INPP1: variants seen among roughly 807,000 people sequenced by gnomAD.
The protein encoded by INPP1 is inositol polyphosphate-1-phosphatase.
Under a neutral mutation model 23.0 loss-of-function variants are expected in INPP1, and 18 were observed. That is an observed-to-expected ratio of 0.78 (90% confidence interval 0.54 to 1.16). INPP1 has a LOEUF of 1.16. Among genes scored for constraint, INPP1 ranks in the 50% most tolerant of loss-of-function variants. INPP1 has a pLI of 0.00. For synonymous variants in INPP1, 164 were observed against 176.3 expected (o/e 0.93, Z 0.55); for missense variants, 448 against 482.1 (o/e 0.93, Z 0.66).
At position 190,368,195 on chromosome 2, in the gene INPP1, G is replaced by C. The variant is rs1004863162; in HGVS notation, c.467-908G>C. 2.0e-5 allele frequency among the ~76,000 whole-genome samples: 3 copies of C among 152,196 alleles called. No homozygotes were observed. Among genetic ancestry groups the C allele is most frequent in the African/African-American group, 7.2e-5 (3 of 41,460 alleles). The stretch of plus-strand genomic sequence containing the variant: ...ATCTCCTGTTTCTTGGTTCCACCCT[G>C]AATTGATTCTGTTTTTGAGCTCTTT... On this transcript the variant is annotated intron_variant, in intron 5 of 6. Transcript: ENST00000392329. The surrounding 1 kb of genome is among the most constrained non-coding windows in gnomAD (Gnocchi z 4.3).
At chr2:190,350,871 AT>A (rs1235215666) in intron 2 of INPP1, among the ~76,000 whole-genome samples, 1 of 152,220 alleles carries the variant, frequency 6.6e-6, no homozygotes, top group Admixed American at 6.5e-5. Flanking sequence ...AAAGGGGATA[AT>A]TTTAGATTCT....
intron 4 of INPP1, 103 bp downstream of exon 4, chr2:190,362,790 A>C: frequency 1.5e-6 from 1 of 658,678 alleles, no homozygotes; most frequent in Non-Finnish European, 2.5e-6. Flanking sequence ...CACTTACTGT[A>C]AACAACATAA....
intron 4 of INPP1, among the ~76,000 whole-genome samples, chr2:190,365,916 GCT>G (rs1689640019): frequency 1.0e-5 from 1 of 99,862 alleles, no homozygotes; most frequent in Non-Finnish European, 2.1e-5. Flanking sequence ...TCGCTCTCTT[GCT>G]CTGTCTCACT....
intron 2 of INPP1, among the ~76,000 whole-genome samples, chr2:190,358,072 A>AT (rs749071988): frequency 0.03 from 3,349 of 111,332 alleles, 57 homozygotes; most frequent in Non-Finnish European, 0.043. Context: ...CATTAAGGGA[A>AT]TTTTTTTTTT....
chr2:190,369,734 A>G (rs1026198399), intron 6 of INPP1, among the ~76,000 whole-genome samples: 15 of 152,200 alleles, frequency 9.9e-5, no homozygotes, highest in African/African-American at 2.9e-4. Context: ...CAGGATCAGA[A>G]CCTAACTCAC....
intron 4 of INPP1, among the ~76,000 whole-genome samples, chr2:190,366,110 G>A (rs577457496): frequency 4.1e-5 from 5 of 122,758 alleles, no homozygotes; most frequent in South Asian, 5.9e-4. Flanking sequence ...TGAATCTCTC[G>A]CTCTCTGTCT....
At chr2:190,360,327 G>T in intron 3 of INPP1, 21 bp downstream of exon 3, 1 of 1,607,534 alleles carries the variant, frequency 6.2e-7, no homozygotes, top group Admixed American at 1.7e-5. Flanking sequence ...TCATAGCCAA[G>T]GTAACTGCAA....
Position 190,345,985 on chromosome 2 carries a change from C to T in INPP1, c.-209+2024C>T, listed in dbSNP as rs191343931. ...CTCCAGCCTGGGCGACAAAGCAAGA[C>T]TTCATCTCAAAAAATAAAAATTAAG... On this transcript the variant is annotated intron_variant, in intron 1 of 6. Coordinates refer to ENST00000392329, the MANE Select transcript of INPP1 (RefSeq NM_001128928.2). The surrounding 1 kb of genome is among the most constrained non-coding windows in gnomAD (Gnocchi z 4.9). Among the ~76,000 whole-genome samples, 3 of 152,072 alleles carry T rather than the reference C, an allele frequency of 2.0e-5. No homozygotes were observed. The highest frequency in any genetic ancestry group is 4.8e-5 in the African/African-American group (2 of 41,392).
rs150659780 is a variant in INPP1 at position 190,355,021 on chromosome 2, A to AT, written c.-64-5014dup. On this transcript the variant is annotated intron_variant, in intron 2 of 6. Transcript: ENST00000392329. The surrounding 1 kb of genome is among the most constrained non-coding windows in gnomAD (Gnocchi z 5.1). ...TATGATTATTATCCAACAATTACTG[A>AT]TTTTCCCTTATTTTAATAGTTAACA... Among the ~76,000 whole-genome samples the AT allele has an allele frequency of 6.8e-3, 1,024 of 149,958 alleles. 14 individuals are homozygous for AT. The highest frequency in any genetic ancestry group is 0.023 in the African/African-American group (929 of 40,496).
intron 4 of INPP1, among the ~76,000 whole-genome samples, chr2:190,365,734 C>T (rs1689632138): frequency 6.6e-6 from 1 of 152,200 alleles, no homozygotes; most frequent in South Asian, 2.1e-4. Context: ...GGATATATTG[C>T]CCTCAATCTA....
chr2:190,369,044 G>A (rs1689744975), intron 5 of INPP1, 59 bp from the exon 6 acceptor site: 1 of 1,062,496 alleles, frequency 9.4e-7, no homozygotes, highest in Non-Finnish European at 1.3e-6. Flanking sequence ...AAGTCATATG[G>A]AACAGAGTCT....
rs1443134214 is a variant in INPP1 at position 190,352,499 on chromosome 2, T to TTG, written c.-65+3470_-65+3471dup. ...CAGTATTGCAAATCTCTAGTAAGGC[T>TTG]TGTAGTACAGTTTCCCTCTGGCCTC... On this transcript the variant is annotated intron_variant, in intron 2 of 6. Transcript: ENST00000392329. The surrounding 1 kb of genome is among the most constrained non-coding windows in gnomAD (Gnocchi z 4.7). Among the ~76,000 whole-genome samples, 1 of 152,234 alleles carries TTG rather than the reference T, an allele frequency of 6.6e-6. No homozygotes were observed. Among genetic ancestry groups the TTG allele is most frequent in the Non-Finnish European group, 1.5e-5 (1 of 68,046 alleles).
chr2:190,352,004 C>T lies in INPP1; in HGVS notation c.-65+2973C>T, dbSNP rs1294402720. On this transcript the variant is annotated intron_variant, in intron 2 of 6. Coordinates refer to ENST00000392329, the MANE Select transcript of INPP1 (RefSeq NM_001128928.2). The surrounding 1 kb of genome is among the most constrained non-coding windows in gnomAD (Gnocchi z 4.7). ...TTTATTTTAGCTATTCCATTGGATA[C>T]ATAGTGGCACCCTGTTGAGATTTTA... is the stretch of plus-strand genomic sequence containing the variant. Among the ~76,000 whole-genome samples, 1 of 152,210 alleles carries T rather than the reference C, an allele frequency of 6.6e-6. No individual in the cohort carries two copies. The highest frequency in any genetic ancestry group is 2.4e-5 in the African/African-American group (1 of 41,444).
chr2:190,359,671 T>C (rs2067400), intron 2 of INPP1: 64,241 of 158,898 alleles, frequency 0.4, 15,086 homozygotes, highest in African/African-American at 0.66. Flanking sequence ...TACTTCAATA[T>C]TGCTGCTAAG....
At position 190,357,517 on chromosome 2, in the gene INPP1, T is replaced by G. The variant is rs1575786735; in HGVS notation, c.-64-2522T>G. ...TCATAGGTAGTTTTTCCACTTAACA[T>G]TAGTGCATTGACATATTTCCATATT... On this transcript the variant is annotated intron_variant, in intron 2 of 6. Transcript: ENST00000392329. 2.6e-5 allele frequency among the ~76,000 whole-genome samples: 4 copies of G among 152,356 alleles called. No individual in the cohort carries two copies. In the East Asian group the frequency reaches 7.7e-4, roughly 29 times the overall value.
rs1007756186 is a variant in INPP1 at position 190,356,378 on chromosome 2, A to G, written c.-64-3661A>G. 6.6e-6 allele frequency: 1 copy of G among 152,244 alleles called. No individual in the cohort carries two copies. The highest frequency in any genetic ancestry group is 2.4e-5 in the African/African-American group (1 of 41,448). 9.4% of individuals were successfully genotyped at this position (152,244 alleles called of 1,614,324 possible). A position where few individuals can be genotyped will look rare whatever the true frequency, so the allele number is the denominator to read the frequency against. On this transcript the variant is annotated intron_variant, in intron 2 of 6. Coordinates refer to ENST00000392329, the MANE Select transcript of INPP1 (RefSeq NM_001128928.2). This position sits in a 1 kb window ranked among gnomAD's most constrained non-coding sequence, Gnocchi z 6.4. Reference sequence around the variant, plus strand: ...ATTCCTAAAATCGGTAGACCTGTTCATTACAGGGCTGCAGTGAATAGCCAG... The same window carrying G: ...ATTCCTAAAATCGGTAGACCTGTTCGTTACAGGGCTGCAGTGAATAGCCAG...
Position 190,367,041 on chromosome 2 carries a change from G to A in INPP1, c.466+146G>A. 1.6e-6 allele frequency: 1 copy of A among 615,590 alleles called. No homozygotes were observed. The highest frequency in any genetic ancestry group is 2.9e-6 in the Non-Finnish European group (1 of 350,248). The allele number at this position is 615,590 out of a possible 1,614,324, so 38.1% of individuals were successfully genotyped here. A position where few individuals can be genotyped will look rare whatever the true frequency, so the allele number is the denominator to read the frequency against. ...AAATTTTAAAGTTTTAAAACAATGAGAGTTGAGGTGTATGTGTCATGTGTT... is the reference window on the plus strand; with the variant it reads ...AAATTTTAAAGTTTTAAAACAATGAAAGTTGAGGTGTATGTGTCATGTGTT... On this transcript the variant is annotated intron_variant, in intron 5 of 6. Transcript: ENST00000392329. This position sits in a 1 kb window ranked among gnomAD's most constrained non-coding sequence, Gnocchi z 4.1.
rs1575793469 is a variant in INPP1 at position 190,368,741 on chromosome 2, A to G, written c.467-362A>G. 1 of 156,184 alleles carries G rather than the reference A, an allele frequency of 6.4e-6. No homozygotes were observed. Among genetic ancestry groups the G allele is most frequent in the South Asian group, 2.1e-4 (1 of 4,858 alleles). 9.7% of individuals were successfully genotyped at this position (156,184 alleles called of 1,614,324 possible). A position where few individuals can be genotyped will look rare whatever the true frequency, so the allele number is the denominator to read the frequency against. On this transcript the variant is annotated intron_variant, in intron 5 of 6. Transcript: ENST00000392329. The surrounding 1 kb of genome is among the most constrained non-coding windows in gnomAD (Gnocchi z 4.3). The stretch of plus-strand genomic sequence containing the variant: ...TCACCCATTGGAAGGAGGCTTTTCC[A>G]TCTCACATTGTACTAGTCCTCTGAT...
intron 2 of INPP1, chr2:190,359,783 A>G (rs887951484): frequency 1.3e-5 from 4 of 297,334 alleles, no homozygotes; most frequent in Non-Finnish European, 2.0e-5. Flanking sequence ...TTTTCATTCA[A>G]AGATTTTTCT....
Sources: gnomAD v4.1 joint callset for allele counts (sites outside exome capture counted in the v4.1 genomes callset) on GRCh38, gnomAD v4.1.1 for gene constraint, Gnocchi (gnomAD v3.1) non-coding constraint, MANE v1.5 for transcripts, NCBI Gene and HGNC (gene_info 2026-07-23, HGNC 2026-07-21) for gene names.